INPP5F: variants seen among roughly 807,000 people sequenced by gnomAD.
INPP5F encodes inositol polyphosphate-5-phosphatase F.
Under a neutral mutation model 137.2 loss-of-function variants are expected in INPP5F, and 97 were observed. That is an observed-to-expected ratio of 0.71 (90% CI 0.60 to 0.84). The LOEUF (loss-of-function observed/expected upper bound fraction) is 0.84, where lower values mean the gene tolerates loss of function less well. Among genes scored for constraint, INPP5F ranks in the 40% least tolerant of loss-of-function variants. INPP5F has a pLI of 0.00. For missense variants in INPP5F, 1,271 were observed against 1,371.9 expected (o/e 0.93, Z 1.16); for synonymous variants, 504 against 476.9 (o/e 1.06, Z -0.74).
At chr10:119,729,576 A>G (rs1161331145) in intron 1 of INPP5F, among the ~76,000 whole-genome samples, 1 of 117,384 alleles carries the variant, frequency 8.5e-6, no homozygotes, top group Non-Finnish European at 1.8e-5. Context: ...TTATCTCATT[A>G]TCTTTTTTTT....
intron 6 of INPP5F, among the ~76,000 whole-genome samples, chr10:119,792,894 C>A (rs929353888): frequency 2.6e-5 from 4 of 152,016 alleles, no homozygotes; most frequent in Non-Finnish European, 4.4e-5. Context: ...TATCTTTTAA[C>A]CTTTCAGAAA....
intron 1 of INPP5F, among the ~76,000 whole-genome samples, chr10:119,726,903 T>C (rs560905547): frequency 6.6e-6 from 1 of 152,358 alleles, no homozygotes. Flanking sequence ...TTTAAAGCCT[T>C]TGTCTTTGAC....
At position 119,781,626 on chromosome 10, in the gene INPP5F, C is replaced by T; in HGVS notation, c.179-9C>T. The T allele has an allele frequency of 1.2e-6, 2 of 1,600,466 alleles. No individual in the cohort carries two copies. Among genetic ancestry groups the T allele is most frequent in the East Asian group, 2.2e-5 (1 of 44,600 alleles). On this transcript the variant is annotated splice_polypyrimidine_tract_variant and intron_variant, in intron 2 of 19. Coordinates refer to ENST00000650623, the MANE Select transcript of INPP5F (RefSeq NM_014937.4). ...AACGCCAGACTTTATTATGACTCTC[C>T]TCTTTCAGATCTTCCATGGTGGCTT... is the stretch of plus-strand genomic sequence containing the variant.
intron 3 of INPP5F, among the ~76,000 whole-genome samples, chr10:119,789,612 T>G (rs1257543529): frequency 6.6e-6 from 1 of 151,996 alleles, no homozygotes; most frequent in East Asian, 1.9e-4. Context: ...CCTCAACCTC[T>G]GGTTTTGGAC....
rs181803894 is a variant in INPP5F, at chr10:119,814,052, C to T, written c.1886+2097C>T. ...ATCCAGCACTATAGAATTTGACTTC[C>T]CGATAACAGGGAGCCAGTGAGTATC... is the stretch of plus-strand genomic sequence containing the variant. On this transcript the variant is annotated intron_variant, in intron 15 of 19. Transcript: ENST00000650623. Among the ~76,000 whole-genome samples, 25 of 152,250 alleles carry T rather than the reference C, an allele frequency of 1.6e-4. No individual in the cohort carries two copies. The East Asian group carries it at 4.6e-3, about 28-fold the overall frequency.
chr10:119,774,622 A>C (rs1020544431), intron 2 of INPP5F, among the ~76,000 whole-genome samples: 2 of 151,852 alleles, frequency 1.3e-5, no homozygotes, highest in African/African-American at 2.4e-5. Flanking sequence ...CTCCCGACCT[A>C]GACATTTCTT....
chr10:119,786,978 G>A (rs142836170), intron 3 of INPP5F, among the ~76,000 whole-genome samples: 185 of 152,070 alleles, frequency 1.2e-3, no homozygotes, highest in African/African-American at 4.4e-3. Context: ...CAAGTTTTTT[G>A]GGGTTTTCAA....
chr10:119,790,843 CCTTCT>C lies in INPP5F; in HGVS notation c.316-665_316-661del, dbSNP rs538079805. ...GTAGCCTTCTTTAGAACCTTCTGTG[CCTTCT>C]CTTCTCTTAACATAGCCGTATTCAC... On this transcript the variant is annotated intron_variant, in intron 3 of 19. Transcript: ENST00000650623. Among the ~76,000 whole-genome samples, 24 of 152,332 alleles carry C rather than the reference CCTTCT, an allele frequency of 1.6e-4. 1 individual carries two copies. In the South Asian group the frequency reaches 3.7e-3, roughly 24 times the overall value.
At chr10:119,825,071 T>C (rs928540970) in intron 19 of INPP5F, among the ~76,000 whole-genome samples, 1 of 152,196 alleles carries the variant, frequency 6.6e-6, no homozygotes, top group African/African-American at 2.4e-5. Context: ...ATCTGTAAGA[T>C]GAGAGAAAAT....
chr10:119,778,922 TAAGA>T (rs1849611450), intron 2 of INPP5F, among the ~76,000 whole-genome samples: 1 of 152,182 alleles, frequency 6.6e-6, no homozygotes, highest in Non-Finnish European at 1.5e-5. Flanking sequence ...ACCGTTGTTC[TAAGA>T]GTCAGAATTC....
intron 2 of INPP5F, among the ~76,000 whole-genome samples, chr10:119,753,226 T>C (rs907744159): frequency 5.3e-5 from 8 of 152,334 alleles, no homozygotes; most frequent in African/African-American, 1.9e-4. Context: ...ATGAAACTTT[T>C]GAGTTATTTT....
intron 7 of INPP5F, 58 bp from the exon 8 acceptor site, chr10:119,797,403 A>G: frequency 7.5e-7 from 1 of 1,330,360 alleles, no homozygotes. Context: ...AGCATAATCT[A>G]GCCAGACTAA....
At chr10:119,726,442 G>C (rs890041969) in intron 1 of INPP5F, 83 bp downstream of exon 1, 2 of 773,294 alleles carry the variant, frequency 2.6e-6, no homozygotes, top group African/African-American at 3.7e-5. Context: ...CAGCCGGGCG[G>C]GAGGAGCCGC....
intron 2 of INPP5F, among the ~76,000 whole-genome samples, chr10:119,764,019 T>G (rs972767305): frequency 7.2e-5 from 11 of 152,226 alleles, no homozygotes; most frequent in Admixed American, 3.3e-4. Flanking sequence ...TCTTCACGGT[T>G]CATGTTTTCT....
intron 10 of INPP5F, 24 bp downstream of exon 10, chr10:119,804,321 T>G (rs748036296): frequency 6.3e-7 from 1 of 1,582,144 alleles, no homozygotes; most frequent in African/African-American, 1.4e-5. Flanking sequence ...CGGAGAATAG[T>G]GTTGATCAAT....
chr10:119,793,500 G>T (rs766906102), intron 6 of INPP5F: 5 of 152,372 alleles, frequency 3.3e-5, no homozygotes, highest in Non-Finnish European at 5.9e-5. Context: ...TGGATGCTGA[G>T]ATTAAGGCTG....
intron 3 of INPP5F, among the ~76,000 whole-genome samples, chr10:119,786,170 G>T (rs142461541): frequency 1.3e-5 from 2 of 152,072 alleles, no homozygotes; most frequent in African/African-American, 4.8e-5. Flanking sequence ...CCTTAGTCTC[G>T]GTCACAAGAT....
intron 2 of INPP5F, among the ~76,000 whole-genome samples, chr10:119,766,149 A>G (rs1048413201): frequency 6.6e-6 from 1 of 152,050 alleles, no homozygotes; most frequent in Non-Finnish European, 1.5e-5. Flanking sequence ...GGAGAAGATG[A>G]TGTCCCAGCT....
At chr10:119,796,345 A>G (rs1268674299) in intron 6 of INPP5F, among the ~76,000 whole-genome samples, 1 of 152,230 alleles carries the variant, frequency 6.6e-6, no homozygotes, top group Non-Finnish European at 1.5e-5. Context: ...TACTTCCCAT[A>G]TGGCAGGCAC....
Sources: gnomAD v4.1 joint callset for allele counts (sites outside exome capture counted in the v4.1 genomes callset) on GRCh38, gnomAD v4.1.1 for gene constraint, MANE v1.5 for transcripts, NCBI Gene and HGNC (gene_info 2026-07-23, HGNC 2026-07-21) for gene names.